KIF5A: variants seen among roughly 807,000 people sequenced by gnomAD.
KIF5A encodes kinesin heavy chain isoform 5A.
A neutral mutation model predicts 141.3 loss-of-function variants in KIF5A; 35 were observed. The observed-to-expected ratio is 0.25, with a 90% confidence interval of 0.19 to 0.33. The LOEUF is 0.33. KIF5A is among the 10% of genes least tolerant of loss of function. The pLI, the probability that KIF5A is intolerant of heterozygous loss-of-function variation, is 1.00. For missense variants in KIF5A, 861 were observed against 1,314.3 expected, an observed-to-expected ratio of 0.66 and a Z score of 5.33; for synonymous variants, 448 against 500.2, an observed-to-expected ratio of 0.90 and a Z score of 1.39.
At chr12:57,568,685 A>G (rs912434652) in intron 8 of KIF5A, among the ~76,000 whole-genome samples, 5 of 151,720 alleles carry the variant, frequency 3.3e-5, no homozygotes, top group African/African-American at 1.2e-4. Context: ...AGATCGCACC[A>G]TTGCACTCCA....
rs1329021125 is a variant in KIF5A at position 57,581,445 on chromosome 12, C to T, written c.2786C>T (p.Ala929Val). 2 of 1,614,114 alleles carry T rather than the reference C, an allele frequency of 1.2e-6. No individual in the cohort carries two copies. Among genetic ancestry groups the T allele is most frequent in the Non-Finnish European group, 8.5e-7 (1 of 1,180,030 alleles). ...AKPVRPGHYPASSPTNPYGTR... is the reference protein window; with the variant it reads ...AKPVRPGHYPVSSPTNPYGTR... ...CCCGTCCGGCCTGGCCACTACCCAG[C>T]ATCCTCACCCACCAACCCCTATGGC... is the stretch of plus-strand genomic sequence containing the variant. Residue 929 changes from alanine to valine, a missense_variant, in exon 25 of 29, where the codon GCA becomes GTA. Transcript: ENST00000455537.
chr12:57,576,140 G>A lies in KIF5A; in HGVS notation c.2077G>A (p.Asp693Asn). Reference protein sequence around the residue: ...KDKEPDTQDADEVKKALELQM... With the variant: ...KDKEPDTQDANEVKKALELQM... Reference sequence around the variant, plus strand: ...CAAGGAGCCTGACACTCAGGATGCAGATGAAGTGAAGGTGAGTAAGGAAGG... The same window carrying A: ...CAAGGAGCCTGACACTCAGGATGCAAATGAAGTGAAGGTGAGTAAGGAAGG... The change falls in exon 18 of 29, where the codon GAT becomes AAT. Residue 693 changes from aspartate (D) to asparagine (N), a missense_variant. Around this residue, in one of 5 missense-constraint regions of KIF5A, gnomAD observed 482 missense variants for 661.3 expected, o/e 0.73. Transcript: ENST00000455537. 1.2e-6 allele frequency: 2 copies of A among 1,614,188 alleles called. No individual in the cohort carries two copies. Among genetic ancestry groups the A allele is most frequent in the Non-Finnish European group, 1.7e-6 (2 of 1,180,002 alleles).
intron 28 of KIF5A, 22 bp downstream of exon 28, chr12:57,583,237 G>T: frequency 6.9e-7 from 1 of 1,459,672 alleles, no homozygotes; most frequent in Non-Finnish European, 9.5e-7. Context: ...CTGCTTCCTC[G>T]GACCAGCCTC....
In KIF5A at chr12:57,567,626, G is replaced by A. The variant is rs199624091; in HGVS notation, c.714+8G>A. On this transcript the variant is annotated splice_region_variant and intron_variant, in intron 8 of 28. Transcript: ENST00000455537. ...CTGGCAGGGAGTGAGAAGGTAGGGGGTCCTGTGGATATGGGGTGGGTGGAA... is the reference window on the plus strand; with the variant it reads ...CTGGCAGGGAGTGAGAAGGTAGGGGATCCTGTGGATATGGGGTGGGTGGAA... 2,585 of 1,611,082 alleles carry A rather than the reference G, an allele frequency of 1.6e-3. 2 individuals are homozygous for A. Among genetic ancestry groups the A allele is most frequent in the Admixed American group, 2.5e-3 (151 of 59,848 alleles).
chr12:57,563,213 G>A lies in KIF5A; in HGVS notation c.130-226G>A, dbSNP rs891716996. Among the ~76,000 whole-genome samples, 29 of 151,910 alleles carry A rather than the reference G, an allele frequency of 1.9e-4. 1 individual carries two copies. Among genetic ancestry groups the A allele is most frequent in the Admixed American group, 1.1e-3 (17 of 15,238 alleles). ...GTAGAGACGGGGTTTCACCATATTGGTCAGGCTGGTCTTGAACTCCTGACC... is the reference window on the plus strand; with the variant it reads ...GTAGAGACGGGGTTTCACCATATTGATCAGGCTGGTCTTGAACTCCTGACC... On this transcript the variant is annotated intron_variant, in intron 1 of 28. Coordinates refer to ENST00000455537, the MANE Select transcript of KIF5A (RefSeq NM_004984.4).
At chr12:57,583,642 A>G (rs925317280) in intron 28 of KIF5A, among the ~76,000 whole-genome samples, 7 of 152,160 alleles carry the variant, frequency 4.6e-5, no homozygotes, top group Admixed American at 1.3e-4. Flanking sequence ...GAACTAAGAC[A>G]TCTCCAGTTA....
intron 11 of KIF5A, 130 bp downstream of exon 11, chr12:57,569,813 G>C (rs1268414616): frequency 9.7e-6 from 14 of 1,438,428 alleles, no homozygotes; most frequent in Admixed American, 2.2e-5. Flanking sequence ...CTGGACAGGT[G>C]CAGTAGAGCA....
rs961142869 is a variant in KIF5A, at chr12:57,550,904, A to G, written c.129+504A>G. Among the ~76,000 whole-genome samples, 15 of 152,004 alleles carry G rather than the reference A, an allele frequency of 9.9e-5. No individual in the cohort carries two copies. Among genetic ancestry groups the G allele is most frequent in the African/African-American group, 3.6e-4 (15 of 41,374 alleles). The stretch of plus-strand genomic sequence containing the variant: ...CAAACCTTCCATCATTCCCTAAAGT[A>G]GTTATAGCCTGGATTTTTGTGTGTG... On this transcript the variant is annotated intron_variant, in intron 1 of 28. Transcript: ENST00000455537. This position sits in a 1 kb window ranked among gnomAD's most constrained non-coding sequence, Gnocchi z 4.6.
intron 27 of KIF5A, 70 bp downstream of exon 27, chr12:57,582,699 C>A: frequency 1.5e-6 from 2 of 1,320,954 alleles, no homozygotes; most frequent in Middle Eastern, 1.8e-4. Flanking sequence ...TTCCCTTGTG[C>A]CCCACTTGGA....
chr12:57,571,464 TA>T, intron 13 of KIF5A, 75 bp downstream of exon 13: 1 of 1,483,814 alleles, frequency 6.7e-7, no homozygotes, highest in Non-Finnish European at 9.3e-7. Context: ...TAGACCTTTT[TA>T]AAATCAGATG....
chr12:57,581,371 C>G (rs2140171681), intron 24 of KIF5A, 44 bp from the exon 25 acceptor site: 1 of 1,611,598 alleles, frequency 6.2e-7, no homozygotes, highest in Middle Eastern at 1.7e-4. Flanking sequence ...AGGGCAAATG[C>G]AGGGTCATAG....
chr12:57,580,875 C>T lies in KIF5A; in HGVS notation c.2539-81C>T. On this transcript the variant is annotated intron_variant, in intron 23 of 28. Transcript: ENST00000455537. ...TTTTTCTTTATTCTCTCTCCTCACCCCTGTCCCCTACGCTCCTCTGGGTGA... is the reference window on the plus strand; with the variant it reads ...TTTTTCTTTATTCTCTCTCCTCACCTCTGTCCCCTACGCTCCTCTGGGTGA... The T allele has an allele frequency of 2.3e-6, 3 of 1,280,384 alleles. No individual in the cohort carries two copies. In the South Asian group the frequency reaches 3.7e-5, roughly 16 times the overall value. 79.3% of individuals were successfully genotyped at this position (1,280,384 alleles called of 1,614,324 possible).
chr12:57,553,848 A>C (rs763159362), intron 1 of KIF5A, among the ~76,000 whole-genome samples: 9 of 152,148 alleles, frequency 5.9e-5, no homozygotes, highest in Non-Finnish European at 1.0e-4. Flanking sequence ...AGAGAAGGCT[A>C]TAAGGAGCAC....
At chr12:57,553,138 A>T (rs927031823) in intron 1 of KIF5A, among the ~76,000 whole-genome samples, 1 of 152,068 alleles carries the variant, frequency 6.6e-6, no homozygotes, top group African/African-American at 2.4e-5. Flanking sequence ...CGCCAGACCC[A>T]TTTAAGTGTC....
Position 57,555,900 on chromosome 12 carries a change from C to T in KIF5A, c.129+5500C>T, listed in dbSNP as rs559795734. Among the ~76,000 whole-genome samples the T allele has an allele frequency of 1.5e-4, 17 of 112,806 alleles. No individual in the cohort carries two copies. The East Asian group carries it at 2.7e-3, about 18-fold the overall frequency. The allele number at this position is 112,806 out of a possible 152,430, so 74.0% of individuals were successfully genotyped here. On this transcript the variant is annotated intron_variant, in intron 1 of 28. Coordinates refer to ENST00000455537, the MANE Select transcript of KIF5A (RefSeq NM_004984.4). ...CTCCAGCCTGGGCGAAAGAGTGAAACTCTATCTCAAAAAAAAAAAAAAAAG... is the reference window on the plus strand; with the variant it reads ...CTCCAGCCTGGGCGAAAGAGTGAAATTCTATCTCAAAAAAAAAAAAAAAAG...
chr12:57,572,876 T>C lies in KIF5A; in HGVS notation c.1716+150T>C. 1 of 960,964 alleles carries C rather than the reference T, an allele frequency of 1.0e-6. No individual in the cohort carries two copies. The allele number at this position is 960,964 out of a possible 1,614,324, so 59.5% of individuals were successfully genotyped here. A position where few individuals can be genotyped will look rare whatever the true frequency, so the allele number is the denominator to read the frequency against. ...TAGACCCAGGAAGACAGGTAGAGGC[T>C]TGTATAGACCCAATTGAAAAGATAC... On this transcript the variant is annotated intron_variant, in intron 15 of 28. Coordinates refer to ENST00000455537, the MANE Select transcript of KIF5A (RefSeq NM_004984.4). The surrounding 1 kb of genome is among the most constrained non-coding windows in gnomAD (Gnocchi z 4.2).
intron 5 of KIF5A, 58 bp from the exon 6 acceptor site, chr12:57,564,860 G>A: frequency 6.6e-7 from 1 of 1,506,514 alleles, no homozygotes; most frequent in East Asian, 2.3e-5. Flanking sequence ...TGACTGCAAG[G>A]TGCAGATGGG....
chr12:57,568,878 C>A, intron 8 of KIF5A, 85 bp from the exon 9 acceptor site: 1 of 861,790 alleles, frequency 1.2e-6, no homozygotes, highest in Non-Finnish European at 1.9e-6. Flanking sequence ...TTCCTTCCTC[C>A]GTGGACTGAG....
chr12:57,552,983 C>A (rs1881625577), intron 1 of KIF5A, among the ~76,000 whole-genome samples: 1 of 152,088 alleles, frequency 6.6e-6, no homozygotes, highest in African/African-American at 2.4e-5. Context: ...TCCCCTACTC[C>A]TCTGACTTCT....
Sources: gnomAD v4.1 joint callset for allele counts (sites outside exome capture counted in the v4.1 genomes callset) on GRCh38, gnomAD v4.1.1 for gene constraint, gnomAD v4.1.1 regional missense constraint, Gnocchi (gnomAD v3.1) non-coding constraint, MANE v1.5 for transcripts, NCBI Gene and HGNC (gene_info 2026-07-23, HGNC 2026-07-21) for gene names.